The following CEP170 variants were observed in gnomAD, a reference collection of about 807,000 sequenced individuals.
The protein encoded by CEP170 is centrosomal protein 170, also known as centrosomal protein of 170 kDa.
A neutral mutation model predicts 151.9 loss-of-function variants in CEP170; 21 were observed. That is an observed-to-expected ratio of 0.14 (90% CI 0.10 to 0.20). The LOEUF is 0.20. Among genes scored for constraint, CEP170 ranks in the 10% least tolerant of loss-of-function variants. CEP170 has a pLI of 1.00. For synonymous variants in CEP170, 356 were observed against 648.8 expected (o/e 0.55, Z 6.86); for missense variants, 964 against 1,892.9 (o/e 0.51, Z 9.11).
chr1:243,207,089 C>T (rs1365521118), intron 4 of CEP170, among the ~76,000 whole-genome samples: 1 of 152,054 alleles, frequency 6.6e-6, no homozygotes, highest in Non-Finnish European at 1.5e-5. Context: ...TCAATTATCA[C>T]AATAAATGTG....
At chr1:243,152,520 C>CTTTTTTTT (rs1558429307) in intron 14 of CEP170, among the ~76,000 whole-genome samples, 2 of 63,492 alleles carry the variant, frequency 3.1e-5, no homozygotes. Context: ...CGCGCCCAGC[C>CTTTTTTTT]ATTTTTTTTT....
intron 13 of CEP170, 128 bp from the exon 14 acceptor site, chr1:243,156,583 A>G (rs2057570139): frequency 1.3e-6 from 1 of 775,432 alleles, no homozygotes; most frequent in African/African-American, 1.8e-5. Context: ...TGACGTACAC[A>G]TACCTCACAA....
chr1:243,176,470 C>T (rs1441643008), intron 10 of CEP170, among the ~76,000 whole-genome samples: 13 of 59,114 alleles, frequency 2.2e-4, no homozygotes, highest in African/African-American at 6.7e-4. Context: ...ACAGTTCCCC[C>T]GATCCGAGTA....
intron 12 of CEP170, among the ~76,000 whole-genome samples, chr1:243,167,174 C>T (rs1235450302): frequency 6.6e-6 from 1 of 151,886 alleles, no homozygotes; most frequent in African/African-American, 2.4e-5. Flanking sequence ...AGAAGAACAA[C>T]ATAACTAGTT....
chr1:243,253,783 A>G (rs1186623635), intron 1 of CEP170, among the ~76,000 whole-genome samples: 2 of 152,194 alleles, frequency 1.3e-5, no homozygotes, highest in Non-Finnish European at 2.9e-5. Flanking sequence ...ACGCCAGCAA[A>G]CGGCTGCATA....
intron 4 of CEP170, among the ~76,000 whole-genome samples, chr1:243,206,304 T>C (rs934792155): frequency 1.3e-5 from 2 of 152,210 alleles, no homozygotes; most frequent in African/African-American, 4.8e-5. Flanking sequence ...CAGCTAATTT[T>C]TGTATTTTTA....
chr1:243,185,948 C>T lies in CEP170; in HGVS notation c.1397G>A (p.Ser466Asn). The change falls in exon 10 of 20, where the codon AGT becomes AAT. Residue 466 changes from serine (S) to asparagine (N), a missense_variant. Transcript: ENST00000366542. This position sits in a 1 kb window ranked among gnomAD's most constrained non-coding sequence, Gnocchi z 4.9. The stretch of plus-strand genomic sequence containing the variant: ...CTCCTGGCTTGGTCTGTGCCCAAGA[C>T]TCCCTGAACTTCTTAATAATGCAGT... ...LQTALLRSSG[S>N]LGHRPSQEMD... 6.2e-7 allele frequency: 1 copy of T among 1,613,784 alleles called. No homozygotes were observed. The highest frequency in any genetic ancestry group is 1.1e-5 in the South Asian group (1 of 91,074).
chr1:243,231,098 A>AG (rs1048538415), intron 1 of CEP170, among the ~76,000 whole-genome samples: 12 of 63,268 alleles, frequency 1.9e-4, no homozygotes, highest in Non-Finnish European at 5.4e-4. Context: ...GGAAAGGAGA[A>AG]GAAAAAAAAA....
chr1:243,187,247 A>G (rs1385968960), intron 8 of CEP170, among the ~76,000 whole-genome samples: 1 of 152,196 alleles, frequency 6.6e-6, no homozygotes, highest in Non-Finnish European at 1.5e-5. Context: ...CTCTTTAACA[A>G]AGGTTTTTCT....
chr1:243,133,997 T>C (rs1352493403), intron 17 of CEP170, among the ~76,000 whole-genome samples: 1 of 152,224 alleles, frequency 6.6e-6, no homozygotes, highest in East Asian at 1.9e-4. Flanking sequence ...TTCCAATTTA[T>C]ACCTGAAATT....
chr1:243,213,642 T>C (rs911206747), intron 3 of CEP170, among the ~76,000 whole-genome samples: 2 of 152,210 alleles, frequency 1.3e-5, no homozygotes, highest in Non-Finnish European at 2.9e-5. Context: ...TTCATCTAGT[T>C]AGTCATTCAG....
intron 10 of CEP170, among the ~76,000 whole-genome samples, chr1:243,178,167 A>G (rs2059373579): frequency 6.6e-6 from 1 of 152,046 alleles, no homozygotes; most frequent in Admixed American, 6.6e-5. Context: ...CATCTATACT[A>G]AAAATACAAA....
chr1:243,210,984 C>G (rs1468192666), intron 4 of CEP170, among the ~76,000 whole-genome samples: 1 of 151,804 alleles, frequency 6.6e-6, no homozygotes, highest in Non-Finnish European at 1.5e-5. Flanking sequence ...TAAGCATCTA[C>G]TCTATTTAGC....
chr1:243,157,285 T>C (rs2057649367), intron 13 of CEP170, among the ~76,000 whole-genome samples: 1 of 152,198 alleles, frequency 6.6e-6, no homozygotes, highest in African/African-American at 2.4e-5. Context: ...AAAAATGGTA[T>C]TGCTCACACA....
At chr1:243,218,385 G>C (rs946666762) in intron 3 of CEP170, among the ~76,000 whole-genome samples, 2 of 152,234 alleles carry the variant, frequency 1.3e-5, no homozygotes, top group African/African-American at 4.8e-5. Context: ...CAGTGGAGGA[G>C]GCAGGGGGAA....
At chr1:243,149,766 A>G (rs1375758188) in intron 14 of CEP170, among the ~76,000 whole-genome samples, 3 of 152,234 alleles carry the variant, frequency 2.0e-5, no homozygotes, top group African/African-American at 7.2e-5. Context: ...CAATACACAG[A>G]AAAGCATTAT....
chr1:243,231,190 C>T (rs59448097), intron 1 of CEP170, among the ~76,000 whole-genome samples: 2,413 of 124,898 alleles, frequency 0.019, 55 homozygotes, highest in African/African-American at 0.072. Flanking sequence ...TCATCATCAT[C>T]ATTATTATTA....
chr1:243,233,003 G>A (rs1214747812), intron 1 of CEP170, among the ~76,000 whole-genome samples: 4 of 152,188 alleles, frequency 2.6e-5, no homozygotes, highest in African/African-American at 9.6e-5. Context: ...GAAATTTCCA[G>A]GGGCAGGAGG....
intron 14 of CEP170, among the ~76,000 whole-genome samples, chr1:243,149,165 G>T (rs950033205): frequency 6.7e-6 from 1 of 149,904 alleles, no homozygotes; most frequent in African/African-American, 2.4e-5. Flanking sequence ...AATGTAGAAA[G>T]ATTCTAGTCT....
Sources: gnomAD v4.1 joint callset for allele counts (sites outside exome capture counted in the v4.1 genomes callset) on GRCh38, gnomAD v4.1.1 for gene constraint, Gnocchi (gnomAD v3.1) non-coding constraint, MANE v1.5 for transcripts, NCBI Gene and HGNC (gene_info 2026-07-23, HGNC 2026-07-21) for gene names.